Variants in RTF1 observed in about 807,000 individuals in gnomAD.
RTF1 encodes the protein RTF1 homolog, Paf1/RNA polymerase II complex component.
Under a neutral mutation model 95.7 loss-of-function variants are expected in RTF1, and 10 were observed. The ratio of observed to expected loss-of-function variants is 0.10; its 90% CI spans 0.06 to 0.18. The LOEUF is 0.18. Ranked by LOEUF, RTF1 falls within the 10% of genes least tolerant of loss-of-function variation. The pLI is 1.00. For synonymous variants in RTF1, 305 were observed against 311.8 expected (o/e 0.98, Z 0.23); for missense variants, 458 against 875.6 (o/e 0.52, Z 6.02).
At chr15:41,453,156 C>T in intron 3 of RTF1, 108 bp downstream of exon 3, 1 of 855,728 alleles carries the variant, frequency 1.2e-6, no homozygotes, top group Non-Finnish European at 1.7e-6. Flanking sequence ...AGCATGACCT[C>T]TTCTTTAGAG....
chr15:41,477,234 G>A lies in RTF1; in HGVS notation c.1630G>A (p.Glu544Lys). The A allele has an allele frequency of 6.2e-7, 1 of 1,614,266 alleles. No individual in the cohort carries two copies. ...QIQDQLNELE[E>K]RAEALDRQRT... ...CCAAGATCAACTGAATGAGCTGGAG[G>A]AACGGGCAGAGGCCCTGGACCGCCA... Residue 544 changes from glutamate to lysine, a missense_variant, in exon 13 of 18, where the codon GAA (glutamate) becomes AAA (lysine). This residue lies in a region of RTF1 where 150 missense variants were observed against 275.7 expected (regional missense o/e 0.54). Coordinates refer to ENST00000389629, the MANE Select transcript of RTF1 (RefSeq NM_015138.5).
intron 2 of RTF1, chr15:41,440,189 T>C (rs1418659353): frequency 1.8e-5 from 2 of 108,606 alleles, no homozygotes; most frequent in African/African-American, 4.5e-5. Context: ...AATTTCTTTC[T>C]TTTTTTTTTT....
chr15:41,454,733 CT>C (rs1302837585), intron 3 of RTF1, among the ~76,000 whole-genome samples: 1 of 152,184 alleles, frequency 6.6e-6, no homozygotes, highest in African/African-American at 2.4e-5. Flanking sequence ...ATGGAGTATT[CT>C]TGCCAAAAAT....
intron 16 of RTF1, 80 bp from the exon 17 acceptor site, chr15:41,480,134 T>A: frequency 1.1e-6 from 1 of 883,076 alleles, no homozygotes; most frequent in Non-Finnish European, 1.9e-6. Context: ...AATAAGAGCT[T>A]CGTACCGTTA....
At chr15:41,461,494 TTTC>T (rs1284933667) in intron 4 of RTF1, among the ~76,000 whole-genome samples, 2 of 149,410 alleles carry the variant, frequency 1.3e-5, no homozygotes, top group Non-Finnish European at 3.0e-5. Context: ...CTAATTTTTC[TTTC>T]TTTTTTTTTT....
chr15:41,424,223 C>A (rs945854814), intron 1 of RTF1, among the ~76,000 whole-genome samples: 1 of 152,074 alleles, frequency 6.6e-6, no homozygotes, highest in Non-Finnish European at 1.5e-5. Context: ...CACTACAGGC[C>A]ATGAAGCAAG....
At chr15:41,424,121 G>A (rs921566010) in intron 1 of RTF1, among the ~76,000 whole-genome samples, 3 of 152,168 alleles carry the variant, frequency 2.0e-5, no homozygotes, top group African/African-American at 7.2e-5. Flanking sequence ...TGAACAAAAT[G>A]GAAGCAGTTT....
At position 41,480,720 on chromosome 15, in the gene RTF1, G is replaced by GC. The variant is rs1224668108; in HGVS notation, c.*37dup. 6.8e-7 allele frequency: 1 copy of GC among 1,463,324 alleles called. No homozygotes were observed. Among genetic ancestry groups the GC allele is most frequent in the East Asian group, 2.3e-5 (1 of 44,196 alleles). 90.6% of individuals were successfully genotyped at this position (1,463,324 alleles called of 1,614,324 possible). A position where few individuals can be genotyped will look rare whatever the true frequency, so the allele number is the denominator to read the frequency against. ...CAGCCTGCTGCTTCTGACCCTGCAT[G>GC]CCCCATCGCAGCGTCCCACCTTTCC... On this transcript the variant is annotated 3_prime_UTR_variant, in exon 18 of 18. Transcript: ENST00000389629.
intron 1 of RTF1, among the ~76,000 whole-genome samples, chr15:41,422,584 T>A (rs2050607890): frequency 6.6e-6 from 1 of 152,212 alleles, no homozygotes; most frequent in Non-Finnish European, 1.5e-5. Context: ...TACAACTCCG[T>A]ATTTATAAAA....
chr15:41,464,079 T>C (rs1161103850), intron 4 of RTF1, among the ~76,000 whole-genome samples: 1 of 151,170 alleles, frequency 6.6e-6, no homozygotes, highest in Non-Finnish European at 1.5e-5. Flanking sequence ...CTCAATCTCC[T>C]GACCTCGTGA....
At position 41,417,233 on chromosome 15, in the gene RTF1, A is replaced by G. The variant is rs1186979503; in HGVS notation, c.118A>G (p.Thr40Ala). 4.0e-6 allele frequency: 5 copies of G among 1,255,250 alleles called. No individual in the cohort carries two copies. The allele number at this position is 1,255,250 out of a possible 1,614,324, so 77.8% of individuals were successfully genotyped here. A position where few individuals can be genotyped will look rare whatever the true frequency, so the allele number is the denominator to read the frequency against. ...GGGRRGSRGT[T>A]MVKKRKGRVV... The stretch of plus-strand genomic sequence containing the variant: ...CGGCCGGCGTGGGAGCCGGGGGACC[A>G]CCATGGTAAAGAAGCGGAAAGGCCG... The change falls in exon 1 of 18, where the codon ACC (threonine) becomes GCC (alanine). Residue 40 changes from threonine to alanine, a missense_variant. Thr to Ala is a moderately conservative substitution (Grantham distance 58, BLOSUM62 0). Around this residue, in one of 11 missense-constraint regions of RTF1, gnomAD observed 81 missense variants for 59.9 expected, o/e 1.35. Transcript: ENST00000389629.
chr15:41,467,489 C>T (rs1393762600), intron 6 of RTF1, among the ~76,000 whole-genome samples: 2 of 151,970 alleles, frequency 1.3e-5, no homozygotes, highest in East Asian at 1.9e-4. Context: ...CCAAGGTGGG[C>T]GGATCACCTG....
intron 4 of RTF1, among the ~76,000 whole-genome samples, chr15:41,462,371 T>C (rs1256604879): frequency 2.0e-5 from 3 of 152,106 alleles, no homozygotes; most frequent in Non-Finnish European, 2.9e-5. Context: ...GGTAGCCTGG[T>C]TGTAGAAAGG....
chr15:41,476,248 A>G (rs1595441006), intron 11 of RTF1, among the ~76,000 whole-genome samples, 198 bp from the exon 12 acceptor site: 3 of 152,156 alleles, frequency 2.0e-5, no homozygotes, highest in Non-Finnish European at 4.4e-5. Flanking sequence ...AGCCTGTCCC[A>G]GAAGAATCTC....
intron 9 of RTF1, among the ~76,000 whole-genome samples, chr15:41,475,026 C>T (rs2050935693): frequency 6.6e-6 from 1 of 152,188 alleles, no homozygotes; most frequent in Non-Finnish European, 1.5e-5. Context: ...GGCTCTATGT[C>T]ATAACCTCAT....
intron 12 of RTF1, 30 bp downstream of exon 12, chr15:41,476,553 C>T (rs369323664): frequency 7.6e-6 from 12 of 1,573,148 alleles, no homozygotes; most frequent in Middle Eastern, 1.7e-4. Context: ...CCTCTTTCCT[C>T]ATCCTGTAAG....
chr15:41,441,869 A>C (rs2050737723), intron 2 of RTF1, among the ~76,000 whole-genome samples: 1 of 152,198 alleles, frequency 6.6e-6, no homozygotes, highest in Admixed American at 6.5e-5. Context: ...CAGCGTCTGT[A>C]TCATGGTCAT....
chr15:41,466,325 C>T (rs1235302277), intron 6 of RTF1, 73 bp downstream of exon 6: 13 of 1,003,460 alleles, frequency 1.3e-5, no homozygotes, highest in Non-Finnish European at 1.9e-5. Context: ...TTTCATTTTG[C>T]CCTCTTGTTA....
chr15:41,480,614 C>T lies in RTF1; in HGVS notation c.2060C>T (p.Pro687Leu), dbSNP rs199677076. 38 of 1,613,990 alleles carry T rather than the reference C, an allele frequency of 2.4e-5. No homozygotes were observed. The highest frequency in any genetic ancestry group is 3.0e-5 in the Non-Finnish European group (35 of 1,179,988). Residue 687 changes from proline to leucine, a missense_variant, in exon 18 of 18, where the codon CCG becomes CTG. Physicochemically the swap from Pro to Leu is moderately conservative, Grantham distance 98. This residue lies in a region of RTF1 where 50 missense variants were observed against 100.0 expected (regional missense o/e 0.50). Coordinates refer to ENST00000389629, the MANE Select transcript of RTF1 (RefSeq NM_015138.5). Reference protein sequence around the residue: ...SKALAITSKAPPAKDGAPRRS... With the variant: ...SKALAITSKALPAKDGAPRRS... ...GCTTTAGCCATCACCTCCAAGGCTC[C>T]GCCAGCCAAGGATGGGGCTCCAAGG...
Sources: gnomAD v4.1 joint callset for allele counts (sites outside exome capture counted in the v4.1 genomes callset) on GRCh38, gnomAD v4.1.1 for gene constraint, gnomAD v4.1.1 regional missense constraint, MANE v1.5 for transcripts, NCBI Gene and HGNC (gene_info 2026-07-23, HGNC 2026-07-21) for gene names.